The following RPTOR variants were observed in gnomAD, a reference collection of about 807,000 sequenced individuals.
The protein encoded by RPTOR is regulatory associated protein of MTOR complex 1.
In RPTOR, 21 loss-of-function variants were observed where a neutral mutation model predicts 169.9. The observed-to-expected ratio is 0.12, with a 90% CI of 0.09 to 0.18. RPTOR has a LOEUF of 0.18. Among genes scored for constraint, RPTOR ranks in the 10% least tolerant of loss-of-function variants. RPTOR has a pLI of 1.00. For synonymous variants in RPTOR, 732 were observed against 753.2 expected, an observed-to-expected ratio of 0.97 and a Z score of 0.46; for missense variants, 1,133 against 1,855.9, an observed-to-expected ratio of 0.61 and a Z score of 7.16.
intron 22 of RPTOR, among the ~76,000 whole-genome samples, chr17:80,923,203 G>A (rs537300420): frequency 6.6e-4 from 100 of 152,316 alleles, no homozygotes; most frequent in African/African-American, 1.8e-3. Context: ...CGCACATCCC[G>A]GCCCACTCGA....
chr17:80,923,467 G>A (rs2068771947), intron 22 of RPTOR, 23 bp from the exon 23 acceptor site: 1 of 1,613,596 alleles, frequency 6.2e-7, no homozygotes, highest in African/African-American at 1.3e-5. Context: ...AGGATGCAGT[G>A]TTTGTTTTTC....
intron 6 of RPTOR, among the ~76,000 whole-genome samples, chr17:80,769,302 T>C (rs2066818550): frequency 6.6e-6 from 1 of 152,256 alleles, no homozygotes. Flanking sequence ...TAAGTAAATG[T>C]TGTATATGTA....
intron 1 of RPTOR, among the ~76,000 whole-genome samples, chr17:80,552,480 CTGA>C (rs1236759749): frequency 6.6e-6 from 1 of 152,204 alleles, no homozygotes; most frequent in East Asian, 1.9e-4. Flanking sequence ...ATTTATTTCT[CTGA>C]TATTTTTCTC....
chr17:80,776,125 A>G (rs1014550478), intron 6 of RPTOR, among the ~76,000 whole-genome samples: 3 of 152,148 alleles, frequency 2.0e-5, no homozygotes, highest in Non-Finnish European at 4.4e-5. Flanking sequence ...CTTGAGCCCA[A>G]CAGTTTAAAG....
At position 80,893,979 on chromosome 17, in the gene RPTOR, A is replaced by G; in HGVS notation, c.2401+114A>G. Reference sequence around the variant, plus strand: ...CAGTGGGTGTCAAAACTGTCTGTTCAAAAGAAAGAATAAAGGTCAACAGGA... The same window carrying G: ...CAGTGGGTGTCAAAACTGTCTGTTCGAAAGAAAGAATAAAGGTCAACAGGA... On this transcript the variant is annotated intron_variant, in intron 20 of 33. Coordinates refer to ENST00000306801, the MANE Select transcript of RPTOR (RefSeq NM_020761.3). 2.7e-6 allele frequency: 3 copies of G among 1,130,362 alleles called. No homozygotes were observed. The East Asian group carries it at 8.5e-5, about 32-fold the overall frequency. 70.0% of individuals were successfully genotyped at this position (1,130,362 alleles called of 1,614,324 possible).
chr17:80,620,707 G>A (rs61215193), intron 1 of RPTOR, among the ~76,000 whole-genome samples: 8,378 of 152,296 alleles, frequency 0.055, 291 homozygotes, highest in Non-Finnish European at 0.082. Flanking sequence ...TGGAGGTTGC[G>A]GTGAGCCGAG....
rs138115831 is a variant in RPTOR at position 80,771,934 on chromosome 17, CT to C, written c.830+17750del. ...TCCTAGGCTCAAGTGATCCTCCCAC[CT>C]CAGCCTCCCTGGTAACTGGGTCTAT... is the stretch of plus-strand genomic sequence containing the variant. On this transcript the variant is annotated intron_variant, in intron 6 of 33. Transcript: ENST00000306801. 4.3e-3 allele frequency among the ~76,000 whole-genome samples: 660 copies of C among 152,324 alleles called. 6 individuals are homozygous for C. The highest frequency in any genetic ancestry group is 0.015 in the African/African-American group (641 of 41,574).
At chr17:80,790,843 A>G (rs2067040143) in intron 6 of RPTOR, among the ~76,000 whole-genome samples, 1 of 152,156 alleles carries the variant, frequency 6.6e-6, no homozygotes, top group Admixed American at 6.5e-5. Flanking sequence ...TGCTGCCTCG[A>G]TTCTGCCCAC....
intron 2 of RPTOR, among the ~76,000 whole-genome samples, chr17:80,638,156 C>T (rs924026537): frequency 3.9e-5 from 6 of 152,186 alleles, no homozygotes; most frequent in Admixed American, 2.0e-4. Context: ...GAGAATGCTG[C>T]GGTAGAGACG....
chr17:80,832,331 T>G (rs964204735), intron 9 of RPTOR, among the ~76,000 whole-genome samples: 5 of 152,220 alleles, frequency 3.3e-5, no homozygotes, highest in Non-Finnish European at 7.3e-5. Flanking sequence ...TGCTGGCCAC[T>G]GGAGCAACAT....
At chr17:80,880,213 G>T (rs576113056) in intron 13 of RPTOR, among the ~76,000 whole-genome samples, 1 of 152,296 alleles carries the variant, frequency 6.6e-6, no homozygotes, top group East Asian at 1.9e-4. Context: ...GGGCGTTCGT[G>T]GGATCCCTCC....
chr17:80,610,918 T>C (rs2143485278), intron 1 of RPTOR, among the ~76,000 whole-genome samples: 1 of 152,340 alleles, frequency 6.6e-6, no homozygotes, highest in Admixed American at 6.5e-5. Context: ...CAACTGAATT[T>C]TCGAGTGCAG....
chr17:80,729,973 A>G (rs1198198786), intron 4 of RPTOR, among the ~76,000 whole-genome samples: 3 of 152,238 alleles, frequency 2.0e-5, no homozygotes, highest in African/African-American at 7.2e-5. Flanking sequence ...GACAAGTTTA[A>G]GGAGTTGACC....
rs778397066 is a variant in RPTOR, at chr17:80,880,411, C to G, written c.1510-4C>G. On this transcript the variant is annotated splice_polypyrimidine_tract_variant and splice_region_variant and intron_variant, in intron 13 of 33. Transcript: ENST00000306801. ...CTGCCTCTCCTCTGTCTCTTTCTGT[C>G]CAGTCGTGCCAAGCGGACCTCGTGA... The G allele has an allele frequency of 6.2e-7, 1 of 1,613,704 alleles. No homozygotes were observed. Among genetic ancestry groups the G allele is most frequent in the African/African-American group, 1.3e-5 (1 of 75,054 alleles).
At chr17:80,606,374 C>T (rs2065229560) in intron 1 of RPTOR, among the ~76,000 whole-genome samples, 1 of 147,140 alleles carries the variant, frequency 6.8e-6, no homozygotes, top group Admixed American at 6.8e-5. Flanking sequence ...TCATGCCCTG[C>T]TAATTTTTTT....
intron 2 of RPTOR, among the ~76,000 whole-genome samples, chr17:80,634,579 G>T (rs2065481460): frequency 7.5e-6 from 1 of 133,410 alleles, no homozygotes; most frequent in African/African-American, 3.0e-5. Flanking sequence ...TACTGTGTGT[G>T]TGTGCGTACT....
intron 6 of RPTOR, among the ~76,000 whole-genome samples, chr17:80,759,503 C>G (rs1354327358): frequency 6.6e-6 from 1 of 152,158 alleles, no homozygotes; most frequent in Non-Finnish European, 1.5e-5. Context: ...AGCGGTGTCT[C>G]AGGTGGCGGC....
intron 3 of RPTOR, among the ~76,000 whole-genome samples, chr17:80,657,042 G>C (rs1598197135): frequency 6.6e-6 from 1 of 152,214 alleles, no homozygotes; most frequent in South Asian, 2.1e-4. Context: ...TTCGTCATTT[G>C]AAGAATAGAA....
intron 11 of RPTOR, among the ~76,000 whole-genome samples, chr17:80,851,322 G>A (rs2067791309): frequency 6.6e-6 from 1 of 152,164 alleles, no homozygotes; most frequent in Admixed American, 6.5e-5. Context: ...AATTTCCATA[G>A]ATCGTGGGAT....
Sources: allele counts gnomAD v4.1 joint callset (sites outside exome capture counted in the v4.1 genomes callset), GRCh38; gene constraint gnomAD v4.1.1; transcripts MANE v1.5; gene names NCBI Gene and HGNC (gene_info 2026-07-23, HGNC 2026-07-21).